OSBPL5: variants seen among roughly 807,000 people sequenced by gnomAD.
The protein encoded by OSBPL5 is oxysterol-binding protein-related protein 5.
In OSBPL5, 71 loss-of-function variants were observed where a neutral mutation model predicts 111.2. The ratio of observed to expected loss-of-function variants is 0.64; its 90% CI spans 0.53 to 0.78. OSBPL5 has a LOEUF of 0.78. Ranked by LOEUF, OSBPL5 falls within the 30% of genes least tolerant of loss-of-function variation. The probability of loss-of-function intolerance (pLI) is 0.00; values close to 1 mark genes in which losing one functional copy is unlikely to be tolerated. For missense variants in OSBPL5, 1,210 were observed against 1,189.3 expected (o/e 1.02, Z -0.26); for synonymous variants, 549 against 513.9 (o/e 1.07, Z -0.93).
Position 3,126,422 on chromosome 11 carries a change from TCC to T in OSBPL5, c.219+49_219+50del, listed in dbSNP as rs773524806. On this transcript the variant is annotated intron_variant, in intron 3 of 21. Transcript: ENST00000263650. The surrounding 1 kb of genome is among the most constrained non-coding windows in gnomAD (Gnocchi z 6.5). ...CCTTTTCCCCAGCCGTTTCCTGCTG[TCC>T]CCAGAGCCAGGCTCTGGCTCATGGA... 1.3e-6 allele frequency: 2 copies of T among 1,485,984 alleles called. No individual in the cohort carries two copies. The highest frequency in any genetic ancestry group is 1.8e-6 in the Non-Finnish European group (2 of 1,109,494). 92.0% of individuals were successfully genotyped at this position (1,485,984 alleles called of 1,614,324 possible). A position where few individuals can be genotyped will look rare whatever the true frequency, so the allele number is the denominator to read the frequency against.
intron 1 of OSBPL5, among the ~76,000 whole-genome samples, chr11:3,132,935 G>T (rs576238271): frequency 1.3e-5 from 2 of 152,158 alleles, no homozygotes; most frequent in East Asian, 1.9e-4. Context: ...CTGTCGTGTC[G>T]CACGGCTCCA....
rs1296166458 is a variant in OSBPL5 at position 3,106,621 on chromosome 11, C to T, written c.1059+642G>A. On this transcript the variant is annotated intron_variant, in intron 9 of 21. Transcript: ENST00000263650. This position sits in a 1 kb window ranked among gnomAD's most constrained non-coding sequence, Gnocchi z 8.4. ...GACACTGCTGCCCACCGCCTGCTGC[C>T]TCCCTTGAGCTCGTGCGCTGGTGGT... is the stretch of plus-strand genomic sequence containing the variant. Among the ~76,000 whole-genome samples the T allele has an allele frequency of 6.6e-6, 1 of 152,228 alleles. No homozygotes were observed.
chr11:3,107,180 G>C lies in OSBPL5; in HGVS notation c.1059+83C>G, dbSNP rs1857727411. On this transcript the variant is annotated intron_variant, in intron 9 of 21. Coordinates refer to ENST00000263650, the MANE Select transcript of OSBPL5 (RefSeq NM_020896.4). The surrounding 1 kb of genome is among the most constrained non-coding windows in gnomAD (Gnocchi z 6.1). ...CCTGGGCCCTGCGTGCTCCCCCTAG[G>C]ATGAGGCATGGCTACCTCTGCTTCC... is the stretch of plus-strand genomic sequence containing the variant. 2 of 1,494,764 alleles carry C rather than the reference G, an allele frequency of 1.3e-6. No individual in the cohort carries two copies. Among genetic ancestry groups the C allele is most frequent in the East Asian group, 4.5e-5 (2 of 44,072 alleles). The allele number at this position is 1,494,764 out of a possible 1,614,324, so 92.6% of individuals were successfully genotyped here.
At position 3,103,859 on chromosome 11, in the gene OSBPL5, C is replaced by CA. The variant is rs1564830734; in HGVS notation, c.1244+333_1244+334insT. On this transcript the variant is annotated intron_variant, in intron 10 of 21. Coordinates refer to ENST00000263650, the MANE Select transcript of OSBPL5 (RefSeq NM_020896.4). ...GCCTCTGCAGCCCCTTTCCAGTCTG[C>CA]GCAGCCCCCTTCCTGCCTCTGTAGC... 2.2e-4 allele frequency among the ~76,000 whole-genome samples: 9 copies of CA among 40,586 alleles called. 2 individuals are homozygous for CA. Among genetic ancestry groups the CA allele is most frequent in the Non-Finnish European group, 3.7e-4 (6 of 16,292 alleles). The allele number at this position is 40,586 out of a possible 152,430, so 26.6% of individuals were successfully genotyped here. A position where few individuals can be genotyped will look rare whatever the true frequency, so the allele number is the denominator to read the frequency against.
chr11:3,148,357 G>A (rs1437515581), intron 1 of OSBPL5, among the ~76,000 whole-genome samples: 1 of 152,250 alleles, frequency 6.6e-6, no homozygotes, highest in Non-Finnish European at 1.5e-5. Flanking sequence ...ACCTGGGGAG[G>A]CAAGGGCCGA....
intron 14 of OSBPL5, among the ~76,000 whole-genome samples, chr11:3,096,995 A>AGGAAAGAGGGGGAAGACGGGAGAAGG (rs1564824486): frequency 9.6e-4 from 2 of 2,094 alleles, no homozygotes; most frequent in Non-Finnish European, 1.9e-3. Context: ...GGAGGAGGAG[A>AGGAAAGAGGGGGAAGACGGGAGAAGG]AGAGGAAAGA....
chr11:3,126,503 C>T lies in OSBPL5; in HGVS notation c.189G>A (p.Pro63=), dbSNP rs768225933. ...GPSLPRDEGP[P]TPSSATKVPP... is the part of the protein sequence containing the mutation. ...GCACCTTCGTGGCAGAGCTTGGGGT[C>T]GGGGGCCCTTCATCCCTGGGCAGCG... Residue 63 remains proline, a synonymous_variant, in exon 3 of 22, where the codon CCG becomes CCA. Transcript: ENST00000263650. The surrounding 1 kb of genome is among the most constrained non-coding windows in gnomAD (Gnocchi z 6.5). 29 of 1,609,608 alleles carry T rather than the reference C, an allele frequency of 1.8e-5. No individual in the cohort carries two copies. The highest frequency in any genetic ancestry group is 9.9e-5 in the South Asian group (9 of 90,504).
At chr11:3,125,493 T>C (rs944477344) in intron 3 of OSBPL5, among the ~76,000 whole-genome samples, 3 of 152,212 alleles carry the variant, frequency 2.0e-5, no homozygotes, top group African/African-American at 7.2e-5. Context: ...GAGATGCTAC[T>C]TCATACCCGC....
At chr11:3,100,062 A>T in intron 14 of OSBPL5, 96 bp downstream of exon 14, 1 of 1,085,422 alleles carries the variant, frequency 9.2e-7, no homozygotes. Flanking sequence ...AAGGCGAAGT[A>T]AAGATACCTT....
At position 3,104,100 on chromosome 11, in the gene OSBPL5, GCC is replaced by G; in HGVS notation, c.1244+91_1244+92del. 7.3e-7 allele frequency: 1 copy of G among 1,377,522 alleles called. No homozygotes were observed. The highest frequency in any genetic ancestry group is 9.8e-7 in the Non-Finnish European group (1 of 1,015,834). 85.3% of individuals were successfully genotyped at this position (1,377,522 alleles called of 1,614,324 possible). A position where few individuals can be genotyped will look rare whatever the true frequency, so the allele number is the denominator to read the frequency against. ...AGATCAGCCATGGGATTCTCTGGAA[GCC>G]CCCACAGGGCAGGTAGGGGCTGGGG... is the stretch of plus-strand genomic sequence containing the variant. On this transcript the variant is annotated intron_variant, in intron 10 of 21. Transcript: ENST00000263650. This position sits in a 1 kb window ranked among gnomAD's most constrained non-coding sequence, Gnocchi z 5.0.
At chr11:3,111,617 A>C (rs1417794531) in intron 7 of OSBPL5, among the ~76,000 whole-genome samples, 2 of 152,128 alleles carry the variant, frequency 1.3e-5, no homozygotes, top group African/African-American at 4.8e-5. Flanking sequence ...GCTTGATCAA[A>C]TCTGAAGGAA....
chr11:3,159,244 C>T (rs1231457246), intron 1 of OSBPL5, among the ~76,000 whole-genome samples: 1 of 152,146 alleles, frequency 6.6e-6, no homozygotes, highest in Non-Finnish European at 1.5e-5. Flanking sequence ...AGAGGTAGAA[C>T]TCTCAGGTGT....
chr11:3,127,028 C>T (rs1858652243), intron 2 of OSBPL5, among the ~76,000 whole-genome samples: 1 of 152,212 alleles, frequency 6.6e-6, no homozygotes, highest in Admixed American at 6.5e-5. Flanking sequence ...CCATCCCACC[C>T]TGGCAGGCTG....
At chr11:3,112,188 A>T (rs913825234) in intron 7 of OSBPL5, among the ~76,000 whole-genome samples, 2 of 151,904 alleles carry the variant, frequency 1.3e-5, no homozygotes, top group Non-Finnish European at 2.9e-5. Flanking sequence ...TTCTCCTAGG[A>T]CCTTGTCTTT....
In OSBPL5 at chr11:3,142,487, AG is replaced by A. The variant is rs200548578; in HGVS notation, c.-21-13319del. Among the ~76,000 whole-genome samples, 4,950 of 152,266 alleles carry A rather than the reference AG, an allele frequency of 0.033. 132 individuals are homozygous for A. Among genetic ancestry groups the A allele is most frequent in the African/African-American group, 0.074 (3,060 of 41,526 alleles). ...CTCCCCACTCGCTGCTCCGTGTCCCAGGAGGTCAGATTTCACCCGGATGCTT... is the reference window on the plus strand; with the variant it reads ...CTCCCCACTCGCTGCTCCGTGTCCCAGAGGTCAGATTTCACCCGGATGCTT... On this transcript the variant is annotated intron_variant, in intron 1 of 21. Coordinates refer to ENST00000263650, the MANE Select transcript of OSBPL5 (RefSeq NM_020896.4). The surrounding 1 kb of genome is among the most constrained non-coding windows in gnomAD (Gnocchi z 7.1).
intron 7 of OSBPL5, among the ~76,000 whole-genome samples, chr11:3,116,326 G>A (rs1031098318): frequency 4.6e-5 from 7 of 152,272 alleles, no homozygotes; most frequent in Middle Eastern, 6.8e-3. Context: ...GAGTATGGCT[G>A]CCCTAAAACT....
rs141166295 is a variant in OSBPL5 at position 3,136,511 on chromosome 11, C to T, written c.-21-7342G>A. 6.3e-3 allele frequency among the ~76,000 whole-genome samples: 955 copies of T among 152,356 alleles called. 13 individuals are homozygous for T. Among genetic ancestry groups the T allele is most frequent in the African/African-American group, 0.022 (906 of 41,584 alleles). On this transcript the variant is annotated intron_variant, in intron 1 of 21. Transcript: ENST00000263650. ...TCCGCATCCTTCCTGTGCCCAATTC[C>T]TCCTCTGTCCTCCTGCAGAGGCCTG...
At chr11:3,094,562 G>A (rs1338986360) in intron 14 of OSBPL5, 1 of 514,728 alleles carries the variant, frequency 1.9e-6, no homozygotes, top group Non-Finnish European at 3.5e-6. Context: ...TGCGGAGCCT[G>A]GGAGGCACGG....
chr11:3,108,387 G>C (rs1353100108), intron 7 of OSBPL5, among the ~76,000 whole-genome samples: 1 of 152,188 alleles, frequency 6.6e-6, no homozygotes, highest in African/African-American at 2.4e-5. Context: ...TTCTGCAGGT[G>C]GAGTTAGGGA....
Sources: gnomAD v4.1 joint callset for allele counts (sites outside exome capture counted in the v4.1 genomes callset) on GRCh38, gnomAD v4.1.1 for gene constraint, Gnocchi (gnomAD v3.1) non-coding constraint, MANE v1.5 for transcripts, NCBI Gene and HGNC (gene_info 2026-07-23, HGNC 2026-07-21) for gene names.